The following LDB2 variants were observed in gnomAD, a reference collection of about 807,000 sequenced individuals.
The protein encoded by LDB2 is LIM domain binding 2, also known as LIM domain-binding protein 2.
Under a neutral mutation model 44.3 loss-of-function variants are expected in LDB2, and 12 were observed. The ratio of observed to expected loss-of-function variants is 0.27; its 90% CI spans 0.17 to 0.44. LDB2 has a LOEUF of 0.44. Ranked by LOEUF, LDB2 falls within the 20% of genes least tolerant of loss-of-function variation. The pLI, the probability that LDB2 is intolerant of heterozygous loss-of-function variation, is 1.00. For missense variants in LDB2, 344 were observed against 473.5 expected, an observed-to-expected ratio of 0.73 and a Z score of 2.54; for synonymous variants, 164 against 174.8, an observed-to-expected ratio of 0.94 and a Z score of 0.49.
intron 5 of LDB2, among the ~76,000 whole-genome samples, chr4:16,569,120 C>A (rs971971663): frequency 6.6e-6 from 1 of 152,124 alleles, no homozygotes; most frequent in Non-Finnish European, 1.5e-5. Flanking sequence ...TGGTAGGTGG[C>A]CACATATTTT....
chr4:16,871,340 T>C (rs1036906380), intron 1 of LDB2, among the ~76,000 whole-genome samples: 1 of 151,966 alleles, frequency 6.6e-6, no homozygotes, highest in African/African-American at 2.4e-5. Flanking sequence ...TGAGTTTTTA[T>C]TTTGTTGACT....
chr4:16,729,728 T>A (rs1275406218), intron 2 of LDB2, among the ~76,000 whole-genome samples: 1 of 152,192 alleles, frequency 6.6e-6, no homozygotes, highest in Non-Finnish European at 1.5e-5. Flanking sequence ...AGCTGATGTA[T>A]TTTAAAAGTG....
chr4:16,723,885 C>G (rs1469020085), intron 2 of LDB2, among the ~76,000 whole-genome samples: 8 of 152,138 alleles, frequency 5.3e-5, no homozygotes, highest in Non-Finnish European at 1.0e-4. Flanking sequence ...CCTCCTGCTA[C>G]CACCTCTTCT....
rs527553371 is a variant in LDB2 at position 16,572,827 on chromosome 4, A to G, written c.615+13095T>C. 5.3e-5 allele frequency among the ~76,000 whole-genome samples: 8 copies of G among 152,270 alleles called. No individual in the cohort carries two copies. The East Asian group carries it at 9.7e-4, about 18-fold the overall frequency. On this transcript the variant is annotated intron_variant, in intron 5 of 7. Transcript: ENST00000304523. ...ATCATTCTCTGTGTGCCGCATTCCCATGGCTCCAAAGGGCTTTCTCTGCCT... is the reference window on the plus strand; with the variant it reads ...ATCATTCTCTGTGTGCCGCATTCCCGTGGCTCCAAAGGGCTTTCTCTGCCT...
At chr4:16,588,280 A>G (rs1027140609) in intron 4 of LDB2, among the ~76,000 whole-genome samples, 1 of 152,200 alleles carries the variant, frequency 6.6e-6, no homozygotes, top group African/African-American at 2.4e-5. Context: ...AAATCTGAAG[A>G]TAGAGGAGTC....
chr4:16,626,150 T>A (rs1474184345), intron 2 of LDB2, among the ~76,000 whole-genome samples: 1 of 152,192 alleles, frequency 6.6e-6, no homozygotes, highest in Non-Finnish European at 1.5e-5. Context: ...ATGAGGGAAA[T>A]GAGAATTAAA....
At chr4:16,859,460 C>A (rs528372068) in intron 1 of LDB2, among the ~76,000 whole-genome samples, 10 of 152,266 alleles carry the variant, frequency 6.6e-5, no homozygotes, top group African/African-American at 2.4e-4. Context: ...GCTACAATAC[C>A]CCATTTCTGT....
At chr4:16,585,651 G>A (rs1178847737) in intron 5 of LDB2, among the ~76,000 whole-genome samples, 1 of 152,126 alleles carries the variant, frequency 6.6e-6, no homozygotes, top group East Asian at 1.9e-4. Context: ...AAAGCATTTT[G>A]CAACAATGGG....
chr4:16,720,345 CTG>C (rs1757995646), intron 2 of LDB2, among the ~76,000 whole-genome samples: 1 of 152,106 alleles, frequency 6.6e-6, no homozygotes, highest in Admixed American at 6.6e-5. Context: ...GAAATTCCAC[CTG>C]TGGACTGCAA....
chr4:16,508,421 C>G, intron 7 of LDB2, 114 bp downstream of exon 7: 1 of 1,067,412 alleles, frequency 9.4e-7, no homozygotes, highest in South Asian at 2.3e-5. Flanking sequence ...TCCCCCACCT[C>G]CAACCTGCCC....
At position 16,586,579 on chromosome 4, in the gene LDB2, C is replaced by T. The variant is rs1007813390; in HGVS notation, c.532-574G>A. ...TATATGGAGAGACAGAATTCTCACT[C>T]TCCTCCCCATTAAGCTGAGTCTGGA... On this transcript the variant is annotated intron_variant, in intron 4 of 7. Transcript: ENST00000304523. Among the ~76,000 whole-genome samples, 10 of 151,744 alleles carry T rather than the reference C, an allele frequency of 6.6e-5. No homozygotes were observed. In the East Asian group the frequency reaches 1.3e-3, roughly 20 times the overall value.
At chr4:16,552,933 G>A (rs1173171773) in intron 5 of LDB2, among the ~76,000 whole-genome samples, 1 of 152,194 alleles carries the variant, frequency 6.6e-6, no homozygotes, top group Non-Finnish European at 1.5e-5. Flanking sequence ...GCAGCCAGAA[G>A]GTGGAAGTCA....
At chr4:16,516,154 C>T (rs535367770) in intron 5 of LDB2, among the ~76,000 whole-genome samples, 19 of 152,120 alleles carry the variant, frequency 1.2e-4, no homozygotes, top group African/African-American at 4.8e-5. Flanking sequence ...CGTGAGCCAC[C>T]ACGCCCAGCC....
At chr4:16,748,734 C>G (rs1297214348) in intron 2 of LDB2, among the ~76,000 whole-genome samples, 1 of 152,166 alleles carries the variant, frequency 6.6e-6, no homozygotes, top group Non-Finnish European at 1.5e-5. Context: ...AGAAATACTG[C>G]ACACATCTCA....
At chr4:16,606,869 T>C (rs567420716) in intron 2 of LDB2, among the ~76,000 whole-genome samples, 2 of 152,348 alleles carry the variant, frequency 1.3e-5, no homozygotes, top group East Asian at 3.9e-4. Context: ...GAATTTTGTG[T>C]TTTAATATCA....
intron 5 of LDB2, among the ~76,000 whole-genome samples, chr4:16,538,119 G>A (rs1577477849): frequency 6.6e-6 from 1 of 152,272 alleles, no homozygotes; most frequent in East Asian, 1.9e-4. Context: ...CCCAACCCAT[G>A]GACTGTTTGG....
At chr4:16,508,210 G>A (rs150327974) in intron 7 of LDB2, among the ~76,000 whole-genome samples, 43 of 152,322 alleles carry the variant, frequency 2.8e-4, no homozygotes, top group African/African-American at 7.9e-4. Context: ...GCCTTAATAC[G>A]CCACCAGGCA....
intron 2 of LDB2, among the ~76,000 whole-genome samples, chr4:16,748,707 A>C (rs1764856885): frequency 6.6e-6 from 1 of 152,224 alleles, no homozygotes; most frequent in South Asian, 2.1e-4. Flanking sequence ...AAATATCACC[A>C]GCCATTATTA....
chr4:16,571,894 T>C (rs916167674), intron 5 of LDB2, among the ~76,000 whole-genome samples: 1 of 152,256 alleles, frequency 6.6e-6, no homozygotes, highest in African/African-American at 2.4e-5. Context: ...TAGGTTCATA[T>C]GCCTTCTTCT....
Sources: gnomAD v4.1 joint callset for allele counts (sites outside exome capture counted in the v4.1 genomes callset) on GRCh38, gnomAD v4.1.1 for gene constraint, MANE v1.5 for transcripts, NCBI Gene and HGNC (gene_info 2026-07-23, HGNC 2026-07-21) for gene names.